RBFOX1: variants seen among roughly 807,000 people sequenced by gnomAD.
The protein encoded by RBFOX1 is RNA binding protein fox-1 homolog 1.
RBFOX1 carries 8 observed loss-of-function variants against 57.7 expected under a neutral mutation model. The observed-to-expected ratio is 0.14, with a 90% CI of 0.08 to 0.25. The LOEUF is 0.25. RBFOX1 is among the 10% of genes least tolerant of loss of function. The pLI, the probability that RBFOX1 is intolerant of heterozygous loss-of-function variation, is 1.00. For synonymous variants in RBFOX1, 326 were observed against 222.4 expected, an observed-to-expected ratio of 1.47 and a Z score of -4.15; for missense variants, 611 against 548.5, an observed-to-expected ratio of 1.11 and a Z score of -1.14.
At chr16:6,106,498 C>G (rs926326340) in intron 1 of RBFOX1, among the ~76,000 whole-genome samples, 10 of 149,004 alleles carry the variant, frequency 6.7e-5, no homozygotes, top group African/African-American at 2.5e-4. Context: ...TAGTTCCATG[C>G]TCTTATAAAT....
chr16:6,339,925 C>G (rs1451385364), intron 2 of RBFOX1, among the ~76,000 whole-genome samples: 1 of 152,070 alleles, frequency 6.6e-6, no homozygotes, highest in Non-Finnish European at 1.5e-5. Context: ...GATCCACCCA[C>G]CTCGTCCTCC....
intron 2 of RBFOX1, among the ~76,000 whole-genome samples, chr16:5,476,634 T>C (rs1252035980): frequency 2.6e-5 from 4 of 152,222 alleles, no homozygotes; most frequent in African/African-American, 9.7e-5. Flanking sequence ...TTTTGAGTAG[T>C]GTCTGGAATT....
At chr16:7,083,564 CTT>C (rs1321405307) in intron 4 of RBFOX1, among the ~76,000 whole-genome samples, 2 of 152,124 alleles carry the variant, frequency 1.3e-5, no homozygotes, top group Non-Finnish European at 2.9e-5. Context: ...TCTTTGTTGG[CTT>C]TCTCAGAGCT....
At chr16:6,200,399 AG>A (rs1232286787) in intron 1 of RBFOX1, among the ~76,000 whole-genome samples, 1 of 152,058 alleles carries the variant, frequency 6.6e-6, no homozygotes, top group Non-Finnish European at 1.5e-5. Flanking sequence ...AGAGAGAGAG[AG>A]AAAGAGAGAA....
At chr16:5,614,955 G>C (rs56105511) in intron 3 of RBFOX1, among the ~76,000 whole-genome samples, 2,568 of 152,268 alleles carry the variant, frequency 0.017, 56 homozygotes, top group African/African-American at 0.056. Flanking sequence ...GAAGAGAAGA[G>C]TGATGAGAGA....
chr16:5,854,805 G>C (rs949481460), intron 3 of RBFOX1, among the ~76,000 whole-genome samples: 1 of 152,084 alleles, frequency 6.6e-6, no homozygotes, highest in African/African-American at 2.4e-5. Context: ...CCTCCATACT[G>C]CTTTCCATAA....
chr16:6,750,754 C>T (rs1453670598), intron 3 of RBFOX1, among the ~76,000 whole-genome samples: 1 of 152,112 alleles, frequency 6.6e-6, no homozygotes, highest in East Asian at 1.9e-4. Context: ...ATGAGACAGA[C>T]CCTTGCCTTT....
At chr16:6,420,843 A>G (rs891940871) in intron 2 of RBFOX1, among the ~76,000 whole-genome samples, 5 of 152,190 alleles carry the variant, frequency 3.3e-5, no homozygotes, top group Non-Finnish European at 4.4e-5. Flanking sequence ...TGAGTGCTTT[A>G]TGTGTGGGAT....
chr16:5,958,521 G>A (rs1240258929), intron 4 of RBFOX1, among the ~76,000 whole-genome samples: 2 of 152,148 alleles, frequency 1.3e-5, no homozygotes, highest in African/African-American at 2.4e-5. Flanking sequence ...GCCTCAGTTT[G>A]CCCCAGTTTC....
At chr16:6,183,455 G>T (rs1274562118) in intron 1 of RBFOX1, among the ~76,000 whole-genome samples, 1 of 151,240 alleles carries the variant, frequency 6.6e-6, no homozygotes. Context: ...GCTCCAGTCT[G>T]GGTGACAGAG....
intron 2 of RBFOX1, among the ~76,000 whole-genome samples, chr16:6,631,850 C>T (rs1052878075): frequency 2.0e-5 from 3 of 150,276 alleles, no homozygotes; most frequent in African/African-American, 7.5e-5. Flanking sequence ...CCAAGGTGGC[C>T]ACAAACTTAA....
intron 2 of RBFOX1, among the ~76,000 whole-genome samples, chr16:6,497,716 C>T (rs879270196): frequency 6.6e-6 from 1 of 151,968 alleles, no homozygotes; most frequent in African/African-American, 2.4e-5. Flanking sequence ...ACCACCATGC[C>T]TGGCTAATTT....
intron 2 of RBFOX1, among the ~76,000 whole-genome samples, chr16:6,462,169 C>T (rs1434692465): frequency 6.6e-6 from 1 of 152,044 alleles, no homozygotes; most frequent in Non-Finnish European, 1.5e-5. Context: ...AACCGTTAAC[C>T]CAACACAGAA....
chr16:7,154,336 A>G (rs2076673700), intron 4 of RBFOX1, among the ~76,000 whole-genome samples: 1 of 152,220 alleles, frequency 6.6e-6, no homozygotes, highest in Non-Finnish European at 1.5e-5. Flanking sequence ...TCACTCATCC[A>G]TCTCTGCCTG....
At chr16:6,868,862 G>A (rs2060389774) in intron 3 of RBFOX1, among the ~76,000 whole-genome samples, 1 of 152,182 alleles carries the variant, frequency 6.6e-6, no homozygotes, top group Non-Finnish European at 1.5e-5. Flanking sequence ...AATGAAATAT[G>A]CAGGGAGGTG....
chr16:6,227,439 AAAAC>A (rs2097426311), intron 1 of RBFOX1, among the ~76,000 whole-genome samples: 1 of 152,224 alleles, frequency 6.6e-6, no homozygotes, highest in Non-Finnish European at 1.5e-5. Flanking sequence ...ATCTAGAGCA[AAAAC>A]AAACAACAGT....
intron 2 of RBFOX1, among the ~76,000 whole-genome samples, chr16:6,490,283 A>G (rs928118321): frequency 1.3e-5 from 2 of 152,258 alleles, no homozygotes; most frequent in African/African-American, 2.4e-5. Context: ...AATTAAATAC[A>G]TACCAGAATA....
At chr16:5,798,108 T>G (rs1236597332) in intron 3 of RBFOX1, among the ~76,000 whole-genome samples, 2 of 152,196 alleles carry the variant, frequency 1.3e-5, no homozygotes, top group South Asian at 4.1e-4. Context: ...TTTCTGAATT[T>G]CCATTTCCTC....
intron 2 of RBFOX1, among the ~76,000 whole-genome samples, chr16:6,585,194 A>G (rs141517337): frequency 0.01 from 1,571 of 152,230 alleles, 23 homozygotes; most frequent in African/African-American, 0.034. Context: ...CCTCCATGGT[A>G]TTTTTCCAAA....
Sources: allele counts gnomAD v4.1 joint callset (sites outside exome capture counted in the v4.1 genomes callset), GRCh38; gene constraint gnomAD v4.1.1; transcripts MANE v1.5; gene names NCBI Gene and HGNC (gene_info 2026-07-23, HGNC 2026-07-21).